Variants in NELL2 observed in about 807,000 individuals in gnomAD.
NELL2 encodes the protein protein kinase C-binding protein NELL2.
Under a neutral mutation model 109.6 loss-of-function variants are expected in NELL2, and 41 were observed. The ratio of observed to expected loss-of-function variants is 0.37; its 90% confidence interval spans 0.29 to 0.49. The LOEUF (loss-of-function observed/expected upper bound fraction) is 0.49, where lower values mean the gene tolerates loss of function less well. Among genes scored for constraint, NELL2 ranks in the 20% least tolerant of loss-of-function variants. The pLI, the probability that NELL2 is intolerant of heterozygous loss-of-function variation, is 0.98. For synonymous variants in NELL2, 355 were observed against 344.7 expected (o/e 1.03, Z -0.33); for missense variants, 900 against 1,008.3 (o/e 0.89, Z 1.45).
At chr12:44,711,242 C>T in intron 11 of NELL2, 50 bp downstream of exon 11, 2 of 1,297,432 alleles carry the variant, frequency 1.5e-6, no homozygotes, top group East Asian at 4.6e-5. Context: ...TTGTACTAGC[C>T]TACTATAATA....
chr12:44,743,639 A>G (rs989860024), intron 9 of NELL2, among the ~76,000 whole-genome samples: 9 of 152,234 alleles, frequency 5.9e-5, no homozygotes, highest in African/African-American at 1.4e-4. Context: ...AAAAAGGCAG[A>G]GGTTGCAATC....
intron 15 of NELL2, among the ~76,000 whole-genome samples, chr12:44,552,620 T>C (rs889619941): frequency 1.3e-5 from 2 of 152,164 alleles, no homozygotes; most frequent in Non-Finnish European, 2.9e-5. Flanking sequence ...TTATTATTAC[T>C]ACCAGCTCTT....
intron 9 of NELL2, among the ~76,000 whole-genome samples, chr12:44,738,500 G>A (rs548234454): frequency 2.2e-4 from 33 of 151,566 alleles, no homozygotes; most frequent in Non-Finnish European, 4.4e-4. Context: ...AGAAAATCCT[G>A]TTTGAGACAA....
At chr12:44,727,143 C>G (rs7980922) in intron 9 of NELL2, among the ~76,000 whole-genome samples, 6,779 of 152,178 alleles carry the variant, frequency 0.045, 226 homozygotes, top group Non-Finnish European at 0.067. Context: ...GATTATAGAT[C>G]AGTAATTATC....
intron 11 of NELL2, 87 bp from the exon 12 acceptor site, chr12:44,703,941 G>T: frequency 1.7e-6 from 2 of 1,146,168 alleles, no homozygotes; most frequent in Non-Finnish European, 2.4e-6. Context: ...TAATTTTGAA[G>T]CTATGACTCC....
chr12:44,567,857 G>T (rs1178827110), intron 15 of NELL2, among the ~76,000 whole-genome samples: 1 of 152,004 alleles, frequency 6.6e-6, no homozygotes, highest in Non-Finnish European at 1.5e-5. Context: ...TTATAGATGA[G>T]GACTTTTCCC....
intron 18 of NELL2, among the ~76,000 whole-genome samples, chr12:44,521,419 A>G (rs1211626306): frequency 6.6e-6 from 1 of 150,918 alleles, no homozygotes; most frequent in African/African-American, 2.4e-5. Context: ...AGTCCCAGCT[A>G]CTTGGGAGGC....
intron 19 of NELL2, among the ~76,000 whole-genome samples, chr12:44,510,038 G>A (rs901814016): frequency 1.3e-5 from 2 of 152,134 alleles, no homozygotes; most frequent in African/African-American, 4.8e-5. Context: ...TGCATAATTA[G>A]TTTTTGATAT....
chr12:44,747,313 G>A (rs562790348), intron 9 of NELL2, among the ~76,000 whole-genome samples: 2 of 152,018 alleles, frequency 1.3e-5, no homozygotes, highest in Non-Finnish European at 2.9e-5. Context: ...GTGGGGGAAG[G>A]GGGGAGGGAT....
At chr12:44,686,799 G>A (rs1316083079) in intron 12 of NELL2, among the ~76,000 whole-genome samples, 3 of 152,334 alleles carry the variant, frequency 2.0e-5, no homozygotes, top group East Asian at 1.9e-4. Context: ...CGTGCTGGGA[G>A]CGCCACTGCT....
At chr12:44,829,839 T>G (rs1943831964) in intron 2 of NELL2, among the ~76,000 whole-genome samples, 1 of 152,212 alleles carries the variant, frequency 6.6e-6, no homozygotes. Flanking sequence ...AGTGTTCATC[T>G]ATTAAGATAG....
intron 13 of NELL2, among the ~76,000 whole-genome samples, chr12:44,625,614 G>A (rs1430749751): frequency 1.3e-5 from 2 of 151,884 alleles, no homozygotes; most frequent in Non-Finnish European, 2.9e-5. Flanking sequence ...AGGTTGGCAT[G>A]ATACATCAAG....
intron 15 of NELL2, among the ~76,000 whole-genome samples, chr12:44,606,790 A>C (rs7134952): frequency 0.48 from 73,435 of 151,828 alleles, 18,725 homozygotes; most frequent in African/African-American, 0.65. Context: ...TGCAGGTGAT[A>C]GTGTGTTCTC....
At position 44,875,336 on chromosome 12, in the gene NELL2, C is replaced by T; in HGVS notation, c.73G>A (p.Asp25Asn). Residue 25 changes from aspartate (D) to asparagine (N), a missense_variant, in exon 2 of 20, where the codon GAC becomes AAC. Asp to Asn is a conservative substitution (Grantham distance 23). This residue lies in a region of NELL2 where 200 missense variants were observed against 191.8 expected (regional missense o/e 1.04). Coordinates refer to ENST00000429094, the MANE Select transcript of NELL2 (RefSeq NM_001145108.2). ...GLGAVWGLGV[D>N]PSLQIDVLTE... The stretch of plus-strand genomic sequence containing the variant: ...AAGACGTCAATCTGTAGGGAAGGGT[C>T]CACACCAAGCCCCCAAACTGGTGAG... 6.2e-7 allele frequency: 1 copy of T among 1,614,082 alleles called. No homozygotes were observed. Among genetic ancestry groups the T allele is most frequent in the Non-Finnish European group, 8.5e-7 (1 of 1,180,020 alleles).
intron 12 of NELL2, among the ~76,000 whole-genome samples, chr12:44,700,255 C>CA (rs1439719024): frequency 1.3e-5 from 2 of 152,198 alleles, no homozygotes; most frequent in Non-Finnish European, 2.9e-5. Context: ...ATTTTTAAGA[C>CA]AAGCCCTCAC....
At chr12:44,908,477 A>G (rs1261347113) in intron 1 of NELL2, among the ~76,000 whole-genome samples, 1 of 152,038 alleles carries the variant, frequency 6.6e-6, no homozygotes, top group Non-Finnish European at 1.5e-5. Flanking sequence ...ACAAGGTTGC[A>G]ATTATTTTTA....
intron 16 of NELL2, among the ~76,000 whole-genome samples, chr12:44,531,247 T>C (rs990650698): frequency 3.3e-5 from 5 of 152,234 alleles, no homozygotes; most frequent in Non-Finnish European, 5.9e-5. Context: ...ATTTGCATTA[T>C]TTATAATCAG....
At chr12:44,705,486 TA>T (rs1238342352) in intron 11 of NELL2, among the ~76,000 whole-genome samples, 1 of 152,182 alleles carries the variant, frequency 6.6e-6, no homozygotes, top group Non-Finnish European at 1.5e-5. Context: ...CATTTAAAAG[TA>T]AAATTCTTAA....
chr12:44,768,005 C>T (rs548040233), intron 9 of NELL2, among the ~76,000 whole-genome samples: 17 of 152,168 alleles, frequency 1.1e-4, no homozygotes, highest in Non-Finnish European at 2.1e-4. Context: ...AAACTACTTA[C>T]ACTACCCAGG....
Sources: gnomAD v4.1 joint callset for allele counts (sites outside exome capture counted in the v4.1 genomes callset) on GRCh38, gnomAD v4.1.1 for gene constraint, gnomAD v4.1.1 regional missense constraint, MANE v1.5 for transcripts, NCBI Gene and HGNC (gene_info 2026-07-23, HGNC 2026-07-21) for gene names.